The following EPB41 variants were observed in gnomAD, a reference collection of about 807,000 sequenced individuals.
The protein encoded by EPB41 is erythrocyte membrane protein band 4.1, also known as protein 4.1.
A neutral mutation model predicts 108.0 loss-of-function variants in EPB41; 65 were observed. That is an observed-to-expected ratio of 0.60 (90% CI 0.49 to 0.74). The LOEUF (loss-of-function observed/expected upper bound fraction) is 0.74. EPB41 is among the 30% of genes least tolerant of loss of function. The pLI is 0.00. For missense variants in EPB41, 875 were observed against 1,037.0 expected, an observed-to-expected ratio of 0.84 and a Z score of 2.15; for synonymous variants, 336 against 358.9, an observed-to-expected ratio of 0.94 and a Z score of 0.72.
intron 2 of EPB41, among the ~76,000 whole-genome samples, chr1:28,991,885 C>T (rs1465327485): frequency 2.0e-5 from 3 of 151,982 alleles, no homozygotes; most frequent in Non-Finnish European, 2.9e-5. Flanking sequence ...CTACGTGCCT[C>T]GCAGGGTAGT....
chr1:28,926,068 G>C (rs763156829), intron 1 of EPB41, among the ~76,000 whole-genome samples: 1 of 151,302 alleles, frequency 6.6e-6, no homozygotes, highest in Non-Finnish European at 1.5e-5. Flanking sequence ...TTATAGGCCA[G>C]ATGCAGTGGC....
intron 17 of EPB41, among the ~76,000 whole-genome samples, chr1:29,099,815 G>GTA (rs1664632131): frequency 1.3e-5 from 2 of 152,288 alleles, no homozygotes; most frequent in South Asian, 4.1e-4. Context: ...AATGTACAAG[G>GTA]TATACATAGT....
chr1:28,948,688 C>T (rs116137522), intron 1 of EPB41, among the ~76,000 whole-genome samples: 1,793 of 152,136 alleles, frequency 0.012, 35 homozygotes, highest in African/African-American at 0.041. Flanking sequence ...TGTGACTTAA[C>T]GCCTGTAATC....
intron 1 of EPB41, among the ~76,000 whole-genome samples, chr1:28,937,402 A>AT (rs974264912): frequency 1.4e-4 from 21 of 150,968 alleles, no homozygotes; most frequent in East Asian, 3.9e-4. Context: ...TTATTTATTT[A>AT]TTTTTTTTTG....
rs573667235 is a variant in EPB41 at position 29,116,238 on chromosome 1, G to A, written c.*6+435G>A. ...ATGATCTTAGCTCACTGCAACCTCC[G>A]CCTCCCGGGTTCAAGGAATTCTGCC... On this transcript the variant is annotated intron_variant, in intron 20 of 20. Coordinates refer to ENST00000343067, the MANE Select transcript of EPB41 (RefSeq NM_001376013.1). Among the ~76,000 whole-genome samples, 393 of 142,236 alleles carry A rather than the reference G, an allele frequency of 2.8e-3. 1 individual carries two copies. The highest frequency in any genetic ancestry group is 4.4e-3 in the Non-Finnish European group (296 of 66,640). The allele number at this position is 142,236 out of a possible 152,430, so 93.3% of individuals were successfully genotyped here. A position where few individuals can be genotyped will look rare whatever the true frequency, so the allele number is the denominator to read the frequency against.
chr1:29,076,413 G>A (rs1480972674), intron 16 of EPB41, among the ~76,000 whole-genome samples: 1 of 152,158 alleles, frequency 6.6e-6, no homozygotes, highest in East Asian at 1.9e-4. Flanking sequence ...AAAGAGTAGA[G>A]GTGGGATAGT....
chr1:28,931,987 G>A (rs1409122103), intron 1 of EPB41, among the ~76,000 whole-genome samples: 1 of 152,198 alleles, frequency 6.6e-6, no homozygotes, highest in African/African-American at 2.4e-5. Flanking sequence ...GTAATCTTAA[G>A]AGATGAACCA....
chr1:29,069,149 T>C, intron 16 of EPB41: 1 of 1,231,576 alleles, frequency 8.1e-7, no homozygotes, highest in Non-Finnish European at 1.0e-6. Context: ...TTCCTTTTTT[T>C]CTTTTTTGCT....
intron 16 of EPB41, among the ~76,000 whole-genome samples, chr1:29,066,392 C>T (rs886724107): frequency 6.6e-6 from 1 of 152,040 alleles, no homozygotes; most frequent in African/African-American, 2.4e-5. Flanking sequence ...GCACTCCAGA[C>T]TGGGCAACAG....
intron 1 of EPB41, among the ~76,000 whole-genome samples, chr1:28,888,236 G>A (rs2089674143): frequency 6.6e-6 from 1 of 152,258 alleles, no homozygotes; most frequent in African/African-American, 2.4e-5. Flanking sequence ...GCTGGGGCTG[G>A]GCTTAGGGCA....
At chr1:28,946,564 C>G (rs567009989) in intron 1 of EPB41, among the ~76,000 whole-genome samples, 4 of 152,254 alleles carry the variant, frequency 2.6e-5, no homozygotes, top group Non-Finnish European at 4.4e-5. Flanking sequence ...TTTTGGTCTA[C>G]TGATTTCCAG....
At chr1:28,973,538 C>T (rs914863347) in intron 1 of EPB41, among the ~76,000 whole-genome samples, 16 of 152,090 alleles carry the variant, frequency 1.1e-4, no homozygotes, top group African/African-American at 3.6e-4. Flanking sequence ...TACAGGCATG[C>T]ACCACCATGC....
chr1:29,030,818 T>G (rs907819873), intron 8 of EPB41, among the ~76,000 whole-genome samples: 5 of 151,904 alleles, frequency 3.3e-5, no homozygotes, highest in Non-Finnish European at 5.9e-5. Flanking sequence ...TGTTAGCTTT[T>G]TTTTGTTTTG....
chr1:29,101,149 G>A (rs889703679), intron 17 of EPB41, among the ~76,000 whole-genome samples: 52 of 151,872 alleles, frequency 3.4e-4, no homozygotes, highest in Non-Finnish European at 3.5e-4. Context: ...GCTTGAACCC[G>A]GGAGGTGGAG....
chr1:29,063,438 A>G (rs1171088312), intron 15 of EPB41, among the ~76,000 whole-genome samples: 1 of 152,214 alleles, frequency 6.6e-6, no homozygotes, highest in African/African-American at 2.4e-5. Context: ...AAATAAAAAG[A>G]ATAGACTAAT....
chr1:28,962,560 T>TA (rs1259996429), intron 1 of EPB41, among the ~76,000 whole-genome samples: 1 of 152,192 alleles, frequency 6.6e-6, no homozygotes, highest in East Asian at 1.9e-4. Context: ...CTGTACCCAT[T>TA]AGCAGTCATT....
intron 11 of EPB41, among the ~76,000 whole-genome samples, chr1:29,040,700 G>A (rs1479094100): frequency 4.6e-5 from 7 of 152,126 alleles, no homozygotes; most frequent in South Asian, 2.1e-4. Context: ...CACAAATTTC[G>A]TGATTGTATA....
At chr1:28,924,999 T>C (rs1181952599) in intron 1 of EPB41, among the ~76,000 whole-genome samples, 1 of 143,858 alleles carries the variant, frequency 7.0e-6, no homozygotes, top group Non-Finnish European at 1.5e-5. Flanking sequence ...GGAGTCTCGC[T>C]CTGTCACCCA....
chr1:28,899,425 GCTTCCCTCCCCTCTTCCCC>G (rs150938384), intron 1 of EPB41, among the ~76,000 whole-genome samples: 3,708 of 152,218 alleles, frequency 0.024, 174 homozygotes, highest in African/African-American at 0.085. Context: ...CATCTGTTAT[GCTTCCCTCCCCTCTTCCCC>G]CTTTCCTGGG....
Sources: allele counts gnomAD v4.1 joint callset (sites outside exome capture counted in the v4.1 genomes callset), GRCh38; gene constraint gnomAD v4.1.1; transcripts MANE v1.5; gene names NCBI Gene and HGNC (gene_info 2026-07-23, HGNC 2026-07-21).